GLTPD2: variants seen among roughly 807,000 people sequenced by gnomAD.
GLTPD2 encodes glycolipid transfer protein domain containing 2, also known as glycolipid transfer protein domain-containing protein 2.
GLTPD2 carries 12 observed loss-of-function variants against 12.9 expected under a neutral mutation model. That is an observed-to-expected ratio of 0.93 (90% confidence interval 0.59 to 1.50). The LOEUF (loss-of-function observed/expected upper bound fraction) is 1.50, where lower values mean the gene tolerates loss of function less well. Ranked by LOEUF, GLTPD2 falls within the 40% of genes most tolerant of loss-of-function variation. GLTPD2 has a pLI of 0.00. For synonymous variants in GLTPD2, 199 were observed against 205.6 expected (o/e 0.97, Z 0.27); for missense variants, 450 against 426.2 (o/e 1.06, Z -0.49).
rs774111045 is a variant in GLTPD2 at position 4,789,876 on chromosome 17, G to C, written c.456G>C (p.Val152=). The C allele has an allele frequency of 6.3e-7, 1 of 1,576,652 alleles. No homozygotes were observed. Among genetic ancestry groups the C allele is most frequent in the South Asian group, 1.2e-5 (1 of 86,726 alleles). ...GPDAEHYWSL[V]AMAAWERRAG... is the part of the protein sequence containing the mutation. The stretch of plus-strand genomic sequence containing the variant: ...ACGCGGAGCACTACTGGTCGCTGGT[G>C]GCCATGGCGGCGTGGGAGCGGAGGG... Residue 152 remains valine (V), a synonymous_variant, in exon 4 of 4, where the codon GTG becomes GTC. Transcript: ENST00000331264.
rs1917589909 is a variant in GLTPD2 at position 4,789,115 on chromosome 17, T to C, written c.104T>C (p.Leu35Pro). ...CTGCTTTATCTCAGTGTTCGGAGCC[T>C]AGGTGAGCTGCCCCTTCCCTCACTT... ...LLLLYLSVRS[L>P]GARSGCGPRA... The change falls in exon 1 of 4, where the codon CTA becomes CCA. Residue 35 changes from leucine to proline, a missense_variant and splice_region_variant. Leu to Pro is a moderately conservative substitution (Grantham distance 98, BLOSUM62 -3). Coordinates refer to ENST00000331264, the MANE Select transcript of GLTPD2 (RefSeq NM_001014985.3). 2 of 1,613,766 alleles carry C rather than the reference T, an allele frequency of 1.2e-6. No homozygotes were observed. Among genetic ancestry groups the C allele is most frequent in the East Asian group, 4.5e-5 (2 of 44,864 alleles).
In GLTPD2 at chr17:4,789,123, C is replaced by T; in HGVS notation, c.106+6C>T. On this transcript the variant is annotated splice_donor_region_variant and intron_variant, in intron 1 of 3. Coordinates refer to ENST00000331264, the MANE Select transcript of GLTPD2 (RefSeq NM_001014985.3). ...TCTCAGTGTTCGGAGCCTAGGTGAGCTGCCCCTTCCCTCACTTGCTCCGGG... is the reference window on the plus strand; with the variant it reads ...TCTCAGTGTTCGGAGCCTAGGTGAGTTGCCCCTTCCCTCACTTGCTCCGGG... 6.2e-7 allele frequency: 1 copy of T among 1,613,334 alleles called. No homozygotes were observed. Among genetic ancestry groups the T allele is most frequent in the South Asian group, 1.1e-5 (1 of 90,966 alleles).
In GLTPD2 at chr17:4,790,374, GCCCGCGCCGCGGCCGCCTCCGTAT is replaced by G. The variant is rs1421402923; in HGVS notation, c.*84_*107del. 2.5e-5 allele frequency: 30 copies of G among 1,196,066 alleles called. No homozygotes were observed. Among genetic ancestry groups the G allele is most frequent in the Non-Finnish European group, 3.2e-5 (30 of 933,528 alleles). 74.1% of individuals were successfully genotyped at this position (1,196,066 alleles called of 1,614,324 possible). A position where few individuals can be genotyped will look rare whatever the true frequency, so the allele number is the denominator to read the frequency against. The stretch of plus-strand genomic sequence containing the variant: ...CGCGCAGCCCGGGGTCAGTCCTGCA[GCCCGCGCCGCGGCCGCCTCCGTAT>G]CCCGCCTCTTCCGTGACGTCGCCGC... On this transcript the variant is annotated 3_prime_UTR_variant, in exon 4 of 4. Coordinates refer to ENST00000331264, the MANE Select transcript of GLTPD2 (RefSeq NM_001014985.3).
At chr17:4,789,151 G>A (rs1917591535) in intron 1 of GLTPD2, 34 bp downstream of exon 1, 1 of 1,610,400 alleles carries the variant, frequency 6.2e-7, no homozygotes, top group Non-Finnish European at 8.5e-7. Flanking sequence ...GCTCCGGGAG[G>A]AAGCCCGGAA....
Position 4,790,432 on chromosome 17 carries a change from C to A in GLTPD2, c.*136C>A. The stretch of plus-strand genomic sequence containing the variant: ...TTCCGTGACGTCGCCGCGGCGAGGG[C>A]CGCCCCCGGCAGGGAATGGCGTTGA... On this transcript the variant is annotated 3_prime_UTR_variant, in exon 4 of 4. Transcript: ENST00000331264. 1.6e-6 allele frequency: 1 copy of A among 630,672 alleles called. No homozygotes were observed. Among genetic ancestry groups the A allele is most frequent in the Non-Finnish European group, 2.3e-6 (1 of 426,018 alleles). 39.1% of individuals were successfully genotyped at this position (630,672 alleles called of 1,614,324 possible).
Position 4,789,932 on chromosome 17 carries a change from C to T in GLTPD2, c.512C>T (p.Pro171Leu), listed in dbSNP as rs2150655280. 4 of 1,541,838 alleles carry T rather than the reference C, an allele frequency of 2.6e-6. No individual in the cohort carries two copies. The East Asian group carries it at 7.4e-5, about 28-fold the overall frequency. Residue 171 changes from proline to leucine, a missense_variant, in exon 4 of 4, where the codon CCC becomes CTC. By Grantham distance (98) the Pro-to-Leu change is moderately conservative. Transcript: ENST00000331264. Reference protein sequence around the residue: ...AGLLEQPGAAPRDPTRSSGSR... With the variant: ...AGLLEQPGAALRDPTRSSGSR... ...CTGCTGGAGCAGCCGGGGGCGGCCC[C>T]CCGGGACCCGACCCGGAGCTCGGGC...
At chr17:4,789,204 G>A in intron 1 of GLTPD2, 22 bp from the exon 2 acceptor site, 1 of 1,601,782 alleles carries the variant, frequency 6.2e-7, no homozygotes, top group Non-Finnish European at 8.5e-7. Flanking sequence ...AGCCCTCACC[G>A]CTCCGCTTCT....
Position 4,789,960 on chromosome 17 carries a change from T to G in GLTPD2, c.540T>G (p.Ser180=), listed in dbSNP as rs1917625185. 2.0e-6 allele frequency: 3 copies of G among 1,535,722 alleles called. No individual in the cohort carries two copies. Among genetic ancestry groups the G allele is most frequent in the Non-Finnish European group, 2.6e-6 (3 of 1,144,018 alleles). ...APRDPTRSSG[S]RTLLLLHRAL... ...GGGACCCGACCCGGAGCTCGGGCTC[T>G]CGCACGCTGCTCCTGCTGCACCGCG... Residue 180 remains serine (S), a synonymous_variant, in exon 4 of 4, where the codon TCT becomes TCG. Coordinates refer to ENST00000331264, the MANE Select transcript of GLTPD2 (RefSeq NM_001014985.3).
At position 4,790,113 on chromosome 17, in the gene GLTPD2, A is replaced by G; in HGVS notation, c.693A>G (p.Arg231=). Residue 231 remains arginine (R), a synonymous_variant, in exon 4 of 4, where the codon CGA becomes CGG. Transcript: ENST00000331264. ...ALGPHHPWLV[R]QTARLAFLAF... ...GTCCGCATCACCCCTGGCTGGTCCGACAGACCGCCCGCCTCGCCTTCCTCG... is the reference window on the plus strand; with the variant it reads ...GTCCGCATCACCCCTGGCTGGTCCGGCAGACCGCCCGCCTCGCCTTCCTCG... The G allele has an allele frequency of 7.0e-7, 1 of 1,437,342 alleles. No homozygotes were observed. The highest frequency in any genetic ancestry group is 1.4e-5 in the South Asian group (1 of 68,994). 89.0% of individuals were successfully genotyped at this position (1,437,342 alleles called of 1,614,324 possible).
At chr17:4,789,371 C>A in intron 2 of GLTPD2, 81 bp downstream of exon 2, 1 of 1,515,636 alleles carries the variant, frequency 6.6e-7, no homozygotes, top group Non-Finnish European at 8.9e-7. Flanking sequence ...GAGGGTCCGG[C>A]AAAGGGCGGG....
At chr17:4,789,144 C>T in intron 1 of GLTPD2, 27 bp downstream of exon 1, 1 of 1,611,424 alleles carries the variant, frequency 6.2e-7, no homozygotes, top group Non-Finnish European at 8.5e-7. Context: ...CTCACTTGCT[C>T]CGGGAGGAAG....
At chr17:4,789,352 A>C in intron 2 of GLTPD2, 62 bp downstream of exon 2, 1 of 1,524,794 alleles carries the variant, frequency 6.6e-7, no homozygotes, top group South Asian at 1.2e-5. Flanking sequence ...GGGGACGTGG[A>C]GCCAGGCTGA....
chr17:4,789,390 C>T (rs991463768), intron 2 of GLTPD2, 100 bp downstream of exon 2: 22 of 1,501,450 alleles, frequency 1.5e-5, no homozygotes, highest in Non-Finnish European at 1.9e-5. Context: ...GGTCCTCCCC[C>T]GGTCTACCCT....
chr17:4,789,664 AG>A lies in GLTPD2; in HGVS notation c.328del (p.Ala110HisfsTer6). The part of the protein sequence containing the change: ...VGLSPYLAGW[R>X]ALVEFLTPLG... ...GCTGTCGCCGTACCTGGCGGGATGGAGGGCACTCGTCGAGTGAGTGGCCTCC... is the reference window on the plus strand; with the variant it reads ...GCTGTCGCCGTACCTGGCGGGATGGAGGCACTCGTCGAGTGAGTGGCCTCC... On this transcript the variant is annotated frameshift_variant, in exon 3 of 4. Transcript: ENST00000331264. LOFTEE classifies it low-confidence loss of function (END_TRUNC). 6.2e-7 allele frequency: 1 copy of A among 1,612,732 alleles called. No individual in the cohort carries two copies. The highest frequency in any genetic ancestry group is 8.5e-7 in the Non-Finnish European group (1 of 1,179,766).
intron 2 of GLTPD2, 79 bp from the exon 3 acceptor site, chr17:4,789,432 A>G (rs1917603399): frequency 6.5e-7 from 1 of 1,538,014 alleles, no homozygotes; most frequent in African/African-American, 1.4e-5. Context: ...ACAGCAGAAG[A>G]GCCGCCAGCT....
chr17:4,788,974 T>C lies in GLTPD2; in HGVS notation c.-38T>C. The C allele has an allele frequency of 6.3e-7, 1 of 1,592,972 alleles. No homozygotes were observed. Among genetic ancestry groups the C allele is most frequent in the Non-Finnish European group, 8.5e-7 (1 of 1,172,460 alleles). Reference sequence around the variant, plus strand: ...TGGAGGCGGAGGGACACGGACTGGCTAGGCGCTGGTGAGGGGGCGGCGGTC... The same window carrying C: ...TGGAGGCGGAGGGACACGGACTGGCCAGGCGCTGGTGAGGGGGCGGCGGTC... On this transcript the variant is annotated 5_prime_UTR_variant, in exon 1 of 4. Transcript: ENST00000331264.
In GLTPD2 at chr17:4,788,966, G is replaced by T. The variant is rs775167113; in HGVS notation, c.-46G>T. On this transcript the variant is annotated 5_prime_UTR_variant, in exon 1 of 4. Transcript: ENST00000331264. The stretch of plus-strand genomic sequence containing the variant: ...TCCCCTCCTGGAGGCGGAGGGACAC[G>T]GACTGGCTAGGCGCTGGTGAGGGGG... 63 of 1,581,508 alleles carry T rather than the reference G, an allele frequency of 4.0e-5. No individual in the cohort carries two copies. Among genetic ancestry groups the T allele is most frequent in the Non-Finnish European group, 5.1e-5 (59 of 1,168,128 alleles).
rs1395472597 is a variant in GLTPD2, at chr17:4,789,694, C to T, written c.338+17C>T. ...ACTCGTCGAGTGAGTGGCCTCCCGCCCCCCAGCCGGTCCCCGCCTCCTTGG... is the reference window on the plus strand; with the variant it reads ...ACTCGTCGAGTGAGTGGCCTCCCGCTCCCCAGCCGGTCCCCGCCTCCTTGG... On this transcript the variant is annotated intron_variant, in intron 3 of 3. Transcript: ENST00000331264. The T allele has an allele frequency of 1.2e-6, 2 of 1,609,988 alleles. No individual in the cohort carries two copies. Among genetic ancestry groups the T allele is most frequent in the Non-Finnish European group, 8.5e-7 (1 of 1,178,044 alleles).
Position 4,789,713 on chromosome 17 carries a change from T to G in GLTPD2, c.338+36T>G, listed in dbSNP as rs756183311. ...TCCCGCCCCCCAGCCGGTCCCCGCC[T>G]CCTTGGCGGCTCCATCTCCATTCTC... On this transcript the variant is annotated intron_variant, in intron 3 of 3. Transcript: ENST00000331264. The G allele has an allele frequency of 2.5e-6, 4 of 1,612,558 alleles. No homozygotes were observed. In the South Asian group the frequency reaches 4.4e-5, roughly 18 times the overall value.
Sources: allele counts gnomAD v4.1 joint callset, GRCh38; gene constraint gnomAD v4.1.1; transcripts MANE v1.5; gene names NCBI Gene and HGNC (gene_info 2026-07-23, HGNC 2026-07-21).